The following MATCAP2 variants were observed in gnomAD, a reference collection of about 807,000 sequenced individuals.
MATCAP2 encodes the protein microtubule associated tyrosine carboxypeptidase 2.
the MATCAP2 span, among the ~76,000 whole-genome samples, chr7:36,375,524 G>A: frequency 3.3e-5 from 5 of 152,204 alleles, 1 homozygote; most frequent in African/African-American, 9.6e-5. Context: ...CATCAATGTC[G>A]TCAGGGATAT....
At chr7:36,335,370 C>T in the MATCAP2 span, among the ~76,000 whole-genome samples, 2 of 152,152 alleles carry the variant, frequency 1.3e-5, no homozygotes, top group Non-Finnish European at 2.9e-5. Flanking sequence ...CCTTTGGGAA[C>T]TCAAGAACCT....
chr7:36,389,862 G>T, the MATCAP2 span: 1 of 1,281,514 alleles, frequency 7.8e-7, no homozygotes, highest in Non-Finnish European at 1.1e-6. Context: ...TGCAGAGGCC[G>T]AGTCCGTCAC....
At chr7:36,338,965 T>G in the MATCAP2 span, among the ~76,000 whole-genome samples, 63,528 of 152,058 alleles carry the variant, frequency 0.42, 13,757 homozygotes, top group African/African-American at 0.51. Context: ...CCTATCTTTT[T>G]AGACCAAACC....
the MATCAP2 span, among the ~76,000 whole-genome samples, chr7:36,364,536 C>T: frequency 6.6e-6 from 1 of 152,076 alleles, no homozygotes; most frequent in African/African-American, 2.4e-5. Context: ...CAAGTAATTG[C>T]TTCATTCCTG....
At chr7:36,352,163 A>G in the MATCAP2 span, among the ~76,000 whole-genome samples, 24 of 152,078 alleles carry the variant, frequency 1.6e-4, no homozygotes, top group East Asian at 4.1e-3. Context: ...TGGGAGGCCG[A>G]GGTGGGTGGA....
the MATCAP2 span, chr7:36,357,042 T>C: frequency 6.2e-7 from 1 of 1,614,140 alleles, no homozygotes; most frequent in Non-Finnish European, 8.5e-7. Flanking sequence ...TTGGTGGGTT[T>C]TATAGCAGTC....
the MATCAP2 span, among the ~76,000 whole-genome samples, chr7:36,328,240 A>AGG: frequency 0.084 from 5,881 of 70,082 alleles, 656 homozygotes; most frequent in East Asian, 0.18. Flanking sequence ...TTGTTTTTGT[A>AGG]GGGGGGGGGG....
At chr7:36,334,896 G>T in the MATCAP2 span, 1 of 659,364 alleles carries the variant, frequency 1.5e-6, no homozygotes, top group Non-Finnish European at 2.5e-6. Context: ...ATTAGCTTCA[G>T]TCCAAGTGAA....
At chr7:36,380,444 G>C in the MATCAP2 span, among the ~76,000 whole-genome samples, 1 of 152,170 alleles carries the variant, frequency 6.6e-6, no homozygotes, top group African/African-American at 2.4e-5. Context: ...TCAATTTCTT[G>C]TCTTTTTCTG....
chr7:36,329,153 C>T, the MATCAP2 span, among the ~76,000 whole-genome samples: 1 of 151,856 alleles, frequency 6.6e-6, no homozygotes. Context: ...GGTATTTATA[C>T]CACTAAATGT....
At chr7:36,366,941 C>G in the MATCAP2 span, 1 of 1,375,246 alleles carries the variant, frequency 7.3e-7, no homozygotes, top group Non-Finnish European at 9.3e-7. Flanking sequence ...ACTCCAGCAT[C>G]GTCGCCCCGA....
chr7:36,375,584 A>G, the MATCAP2 span, among the ~76,000 whole-genome samples: 5 of 152,176 alleles, frequency 3.3e-5, no homozygotes, highest in Non-Finnish European at 7.3e-5. Flanking sequence ...CTTTGGTATC[A>G]GGATGATGCT....
the MATCAP2 span, among the ~76,000 whole-genome samples, chr7:36,328,251 G>GGGGGGGT: frequency 9.6e-6 from 1 of 104,216 alleles, no homozygotes; most frequent in Non-Finnish European, 2.1e-5. Context: ...GGGGGGGGGG[G>GGGGGGGT]TCTTGCTATG....
At chr7:36,389,921 T>A in the MATCAP2 span, 1 of 1,604,978 alleles carries the variant, frequency 6.2e-7, no homozygotes, top group Admixed American at 1.7e-5. Flanking sequence ...TTCCCCCGCC[T>A]CAGACTCCTG....
chr7:36,363,443 T>C, the MATCAP2 span, among the ~76,000 whole-genome samples: 1 of 152,344 alleles, frequency 6.6e-6, no homozygotes, highest in African/African-American at 2.4e-5. Flanking sequence ...AACAACAAAT[T>C]TTTATTCAAG....
At chr7:36,367,201 T>G in the MATCAP2 span, 5 of 1,174,444 alleles carry the variant, frequency 4.3e-6, no homozygotes, top group South Asian at 1.3e-4. Flanking sequence ...GCTTAGAACC[T>G]GCCACCGTGA....
At chr7:36,329,519 A>G in the MATCAP2 span, among the ~76,000 whole-genome samples, 1 of 152,228 alleles carries the variant, frequency 6.6e-6, no homozygotes, top group Non-Finnish European at 1.5e-5. Context: ...TTTGGGTAGG[A>G]AAAGTACAAA....
chr7:36,351,662 T>C, the MATCAP2 span, among the ~76,000 whole-genome samples: 1 of 151,940 alleles, frequency 6.6e-6, no homozygotes, highest in Non-Finnish European at 1.5e-5. Context: ...AAAAAAAATT[T>C]AGGGCCAGGT....
At chr7:36,366,955 C>A in the MATCAP2 span, 6 of 1,355,286 alleles carry the variant, frequency 4.4e-6, no homozygotes, top group South Asian at 1.9e-5. Flanking sequence ...GCCCCGAGGC[C>A]CGGGGCGGCG....
Sources: allele counts gnomAD v4.1 joint callset (sites outside exome capture counted in the v4.1 genomes callset), GRCh38; gene constraint gnomAD v4.1.1; transcripts MANE v1.5; gene names NCBI Gene and HGNC (gene_info 2026-07-23, HGNC 2026-07-21).